The following MDM4 variants were observed in gnomAD, a reference collection of about 807,000 sequenced individuals.
The protein encoded by MDM4 is MDM4 regulator of p53.
MDM4 carries 2 observed loss-of-function variants against 60.2 expected under a neutral mutation model. The ratio of observed to expected loss-of-function variants is 0.03; its 90% CI spans 0.01 to 0.10. MDM4 has a LOEUF of 0.10. Ranked by LOEUF, MDM4 falls within the 10% of genes least tolerant of loss-of-function variation. The pLI, the probability that MDM4 is intolerant of heterozygous loss-of-function variation, is 1.00. For missense variants in MDM4, 447 were observed against 577.5 expected (o/e 0.77, Z 2.32); for synonymous variants, 202 against 198.1 (o/e 1.02, Z -0.17).
At chr1:204,517,914 C>A (rs1336055148) in intron 1 of MDM4, among the ~76,000 whole-genome samples, 1 of 151,736 alleles carries the variant, frequency 6.6e-6, no homozygotes. Context: ...TTAATCCCAG[C>A]ACTTTGGGAG....
intron 8 of MDM4, 90 bp from the exon 9 acceptor site, chr1:204,544,445 C>T (rs1662447633): frequency 2.3e-5 from 29 of 1,277,494 alleles, no homozygotes; most frequent in Non-Finnish European, 2.9e-5. Context: ...TGTAGTGTGA[C>T]GACATTGAGT....
chr1:204,549,394 G>T lies in MDM4; in HGVS notation c.1185G>T (p.Leu395Phe), dbSNP rs773221224. The T allele has an allele frequency of 1.2e-6, 2 of 1,613,888 alleles. No individual in the cohort carries two copies. Among genetic ancestry groups the T allele is most frequent in the South Asian group, 2.2e-5 (2 of 91,018 alleles). The change falls in exon 11 of 11, where the codon TTG (leucine) becomes TTT (phenylalanine). Residue 395 changes from leucine to phenylalanine, a missense_variant. By Grantham distance (22) the Leu-to-Phe change is conservative. Coordinates refer to ENST00000367182, the MANE Select transcript of MDM4 (RefSeq NM_002393.5). ...LFDPCNSVEF[L>F]DLAHSSESQE... Reference sequence around the variant, plus strand: ...ATCCCTGCAACTCAGTGGAATTCTTGGATTTGGCTCACAGTTCTGAAAGCC... The same window carrying T: ...ATCCCTGCAACTCAGTGGAATTCTTTGATTTGGCTCACAGTTCTGAAAGCC...
chr1:204,549,048 C>G (rs1241183354), intron 10 of MDM4, 65 bp from the exon 11 acceptor site: 3 of 1,002,146 alleles, frequency 3.0e-6, no homozygotes, highest in African/African-American at 1.6e-5. Context: ...AATTTGACCT[C>G]CTTTCCTTTT....
chr1:204,528,325 G>T (rs1166654402), intron 3 of MDM4, among the ~76,000 whole-genome samples: 2 of 152,172 alleles, frequency 1.3e-5, no homozygotes, highest in Non-Finnish European at 2.9e-5. Context: ...GCAGCTAGAA[G>T]TTAATACCCA....
intron 1 of MDM4, among the ~76,000 whole-genome samples, chr1:204,518,810 G>A (rs560307866): frequency 1.3e-5 from 2 of 152,268 alleles, no homozygotes; most frequent in South Asian, 4.1e-4. Context: ...GATTACAGGC[G>A]TTGTGCCACC....
chr1:204,529,318 T>G, intron 3 of MDM4: 1 of 773,934 alleles, frequency 1.3e-6, no homozygotes, highest in Non-Finnish European at 2.3e-6. Context: ...GTGATCAGAG[T>G]CACCGACTGG....
Position 204,553,681 on chromosome 1 carries a change from A to G in MDM4, c.*3999A>G, listed in dbSNP as rs1663375864. The G allele has an allele frequency of 4.4e-6, 1 of 227,816 alleles. No individual in the cohort carries two copies. Among genetic ancestry groups the G allele is most frequent in the Admixed American group, 5.7e-5 (1 of 17,602 alleles). 14.1% of individuals were successfully genotyped at this position (227,816 alleles called of 1,614,324 possible). Reference sequence around the variant, plus strand: ...CGAAAAGTTCAGAGCAGAGATGACAAATCATTAGAACAACGATGAATTTCA... The same window carrying G: ...CGAAAAGTTCAGAGCAGAGATGACAGATCATTAGAACAACGATGAATTTCA... On this transcript the variant is annotated 3_prime_UTR_variant, in exon 11 of 11. Coordinates refer to ENST00000367182, the MANE Select transcript of MDM4 (RefSeq NM_002393.5).
chr1:204,547,969 G>A (rs4252736), intron 10 of MDM4, among the ~76,000 whole-genome samples: 86,778 of 152,038 alleles, frequency 0.57, 27,430 homozygotes, highest in Non-Finnish European at 0.69. Context: ...TGATCCGCCC[G>A]CCTCAGCCTC....
At chr1:204,538,663 T>C (rs1661664884) in intron 7 of MDM4, among the ~76,000 whole-genome samples, 1 of 152,156 alleles carries the variant, frequency 6.6e-6, no homozygotes, top group South Asian at 2.1e-4. Flanking sequence ...GGTTAGAATT[T>C]TTATTTTGAT....
chr1:204,549,421 A>C lies in MDM4; in HGVS notation c.1212A>C (p.Gln404His), dbSNP rs777077869. The C allele has an allele frequency of 1.2e-6, 2 of 1,613,338 alleles. No individual in the cohort carries two copies. The highest frequency in any genetic ancestry group is 2.2e-5 in the South Asian group (2 of 90,926). ...FLDLAHSSES[Q>H]ETISSMGEQL... is the part of the protein sequence containing the mutation. ...ATTTGGCTCACAGTTCTGAAAGCCA[A>C]GAGACCATCTCAAGCATGGGAGAAC... The change falls in exon 11 of 11, where the codon CAA (glutamine) becomes CAC (histidine). Residue 404 changes from glutamine to histidine, a missense_variant. By Grantham distance (24) the Gln-to-His change is conservative (BLOSUM62 0). Around this residue, in one of 8 missense-constraint regions of MDM4, gnomAD observed 117 missense variants for 114.5 expected, o/e 1.02. Transcript: ENST00000367182.
chr1:204,523,749 A>G (rs1333581513), intron 1 of MDM4, among the ~76,000 whole-genome samples: 2 of 152,016 alleles, frequency 1.3e-5, no homozygotes, highest in Admixed American at 1.3e-4. Flanking sequence ...CTCAAACATA[A>G]ATTTAATTTT....
In MDM4 at chr1:204,557,589, A is replaced by C. The variant is rs540992314; in HGVS notation, c.*7907A>C. The C allele has an allele frequency of 2.9e-5, 5 of 171,832 alleles. No homozygotes were observed. The highest frequency in any genetic ancestry group is 1.2e-4 in the African/African-American group (5 of 41,974). 10.6% of individuals were successfully genotyped at this position (171,832 alleles called of 1,614,324 possible). On this transcript the variant is annotated 3_prime_UTR_variant, in exon 11 of 11. Coordinates refer to ENST00000367182, the MANE Select transcript of MDM4 (RefSeq NM_002393.5). The stretch of plus-strand genomic sequence containing the variant: ...GGCTAATTTTGTATTTTTAGTAGAG[A>C]CAGGGTTTCACCATGTTGGCCAGGC...
At chr1:204,520,108 T>A (rs942363024) in intron 1 of MDM4, among the ~76,000 whole-genome samples, 21 of 152,018 alleles carry the variant, frequency 1.4e-4, no homozygotes, top group Non-Finnish European at 2.8e-4. Flanking sequence ...AAACCCCGTC[T>A]CTACTAAAAA....
At chr1:204,537,803 G>T in intron 6 of MDM4, 1 of 615,768 alleles carries the variant, frequency 1.6e-6, no homozygotes. Flanking sequence ...GATTTTAATA[G>T]GCGTGTTGCA....
At chr1:204,538,371 T>A in intron 7 of MDM4, 63 bp downstream of exon 7, 1 of 883,196 alleles carries the variant, frequency 1.1e-6, no homozygotes, top group Non-Finnish European at 1.9e-6. Flanking sequence ...TTTTTATTTT[T>A]AATCTCTCCG....
chr1:204,548,853 T>TAG (rs1662925302), intron 10 of MDM4, among the ~76,000 whole-genome samples: 1 of 151,376 alleles, frequency 6.6e-6, no homozygotes, highest in East Asian at 1.9e-4. Flanking sequence ...CGAGATGAGG[T>TAG]AGAAAGCCAC....
chr1:204,547,449 A>G (rs1563828), intron 10 of MDM4, among the ~76,000 whole-genome samples: 85,137 of 151,984 alleles, frequency 0.56, 26,534 homozygotes, highest in Non-Finnish European at 0.68. Flanking sequence ...TTTTGTTGCT[A>G]TTTCCCCATG....
intron 3 of MDM4, chr1:204,529,637 G>C (rs1660650040): frequency 3.1e-6 from 3 of 965,642 alleles, no homozygotes; most frequent in Non-Finnish European, 1.5e-6. Flanking sequence ...ACCCGGAGGG[G>C]TTCCTGGCGC....
At chr1:204,518,395 T>C (rs185396409) in intron 1 of MDM4, among the ~76,000 whole-genome samples, 85 of 152,356 alleles carry the variant, frequency 5.6e-4, no homozygotes, top group African/African-American at 2.0e-3. Flanking sequence ...CTTCCCACTT[T>C]AATCTTCCCT....
Sources: gnomAD v4.1 joint callset for allele counts (sites outside exome capture counted in the v4.1 genomes callset) on GRCh38, gnomAD v4.1.1 for gene constraint, gnomAD v4.1.1 regional missense constraint, MANE v1.5 for transcripts, NCBI Gene and HGNC (gene_info 2026-07-23, HGNC 2026-07-21) for gene names.